Variants in DTNA observed in about 807,000 individuals in gnomAD.
The protein encoded by DTNA is dystrophin-related protein 3.
In DTNA, 43 loss-of-function variants were observed where a neutral mutation model predicts 100.7. The observed-to-expected ratio is 0.43, with a 90% CI of 0.33 to 0.55. The LOEUF is 0.55. Among genes scored for constraint, DTNA ranks in the 20% least tolerant of loss-of-function variants. The pLI, the probability that DTNA is intolerant of heterozygous loss-of-function variation, is 0.04. For synonymous variants in DTNA, 349 were observed against 347.9 expected (o/e 1.00, Z -0.04); for missense variants, 798 against 953.9 (o/e 0.84, Z 2.15).
In DTNA at chr18:34,867,470, G is replaced by T. The variant is rs1165815396; in HGVS notation, c.1743+3408G>T. 4.9e-6 allele frequency: 6 copies of T among 1,218,006 alleles called. No individual in the cohort carries two copies. The African/African-American group carries it at 9.4e-5, about 19-fold the overall frequency. 75.4% of individuals were successfully genotyped at this position (1,218,006 alleles called of 1,614,324 possible). On this transcript the variant is annotated intron_variant, in intron 17 of 22. Coordinates refer to ENST00000444659, the MANE Select transcript of DTNA (RefSeq NM_001386795.1). ...CCCATGAATGCATACATGGGGTATT[G>T]CTATTGTATTTCCAATACACTTAGA...
intron 10 of DTNA, 98 bp downstream of exon 10, chr18:34,827,774 A>G: frequency 8.2e-7 from 1 of 1,217,184 alleles, no homozygotes; most frequent in Non-Finnish European, 1.2e-6. Context: ...AGGGCAGAAT[A>G]TTGTTACTAG....
chr18:34,869,379 G>A (rs2096741045), intron 17 of DTNA, among the ~76,000 whole-genome samples: 1 of 152,138 alleles, frequency 6.6e-6, no homozygotes, highest in Admixed American at 6.5e-5. Flanking sequence ...ATCAGGGAAA[G>A]AAATTTGAAA....
At chr18:34,513,294 A>G (rs762581547) in intron 1 of DTNA, among the ~76,000 whole-genome samples, 75 of 152,190 alleles carry the variant, frequency 4.9e-4, no homozygotes, top group Admixed American at 1.4e-3. Context: ...ATATGCTAAT[A>G]GTAAACTTGA....
rs368572376 is a variant in DTNA at position 34,778,807 on chromosome 18, TTTGTTG to T, written c.148+12787_148+12792del. On this transcript the variant is annotated intron_variant, in intron 3 of 22. Transcript: ENST00000444659. ...ATAAAAGCTATATATATAGGGAAAG[TTTGTTG>T]TTGTTGTTGTTGTTGTTGTTTTGAG... Among the ~76,000 whole-genome samples the T allele has an allele frequency of 6.8e-3, 1,033 of 150,992 alleles. 14 individuals are homozygous for T. Among genetic ancestry groups the T allele is most frequent in the African/African-American group, 0.024 (977 of 41,040 alleles).
At chr18:34,516,039 T>C (rs547314354) in intron 1 of DTNA, among the ~76,000 whole-genome samples, 1 of 152,240 alleles carries the variant, frequency 6.6e-6, no homozygotes, top group East Asian at 1.9e-4. Context: ...GCTTGAAATT[T>C]TAACTAATAC....
chr18:34,792,566 G>A (rs1430682330), intron 3 of DTNA, among the ~76,000 whole-genome samples: 1 of 152,174 alleles, frequency 6.6e-6, no homozygotes, highest in Non-Finnish European at 1.5e-5. Context: ...TATATATACA[G>A]TGCATATTTC....
intron 1 of DTNA, among the ~76,000 whole-genome samples, chr18:34,575,636 C>G (rs964865012): frequency 6.6e-6 from 1 of 152,102 alleles, no homozygotes; most frequent in East Asian, 1.9e-4. Flanking sequence ...GATTTTTCAT[C>G]GAAATTTTTC....
chr18:34,588,230 A>G (rs1234520057), intron 1 of DTNA, among the ~76,000 whole-genome samples: 1 of 152,204 alleles, frequency 6.6e-6, no homozygotes, highest in Non-Finnish European at 1.5e-5. Flanking sequence ...CTTGAAAAGT[A>G]AAACCTCTCT....
intron 19 of DTNA, among the ~76,000 whole-genome samples, chr18:34,878,936 T>C (rs1474903615): frequency 2.6e-5 from 4 of 152,336 alleles, no homozygotes; most frequent in African/African-American, 9.6e-5. Flanking sequence ...TCTTAAAGCC[T>C]CTCAATTGAA....
At chr18:34,666,111 A>G (rs1030927079) in intron 1 of DTNA, among the ~76,000 whole-genome samples, 1 of 152,206 alleles carries the variant, frequency 6.6e-6, no homozygotes, top group Non-Finnish European at 1.5e-5. Context: ...AATGATTGCT[A>G]TTCTAACTGG....
At chr18:34,853,170 G>T (rs1392842254) in intron 15 of DTNA, among the ~76,000 whole-genome samples, 2 of 152,096 alleles carry the variant, frequency 1.3e-5, no homozygotes, top group Admixed American at 6.6e-5. Flanking sequence ...TGTAATTGTG[G>T]TTTTTGCCAT....
At chr18:34,526,687 T>C (rs1406919587) in intron 1 of DTNA, among the ~76,000 whole-genome samples, 3 of 152,118 alleles carry the variant, frequency 2.0e-5, no homozygotes, top group Non-Finnish European at 4.4e-5. Flanking sequence ...GTCAGTCTTA[T>C]GCAAATAATG....
intron 6 of DTNA, among the ~76,000 whole-genome samples, chr18:34,813,662 G>A (rs913895783): frequency 1.3e-5 from 2 of 151,994 alleles, no homozygotes; most frequent in Non-Finnish European, 2.9e-5. Context: ...AGACCAGCCT[G>A]TCCAATATGT....
chr18:34,594,782 C>G (rs925748367), intron 1 of DTNA, among the ~76,000 whole-genome samples: 1 of 152,084 alleles, frequency 6.6e-6, no homozygotes, highest in African/African-American at 2.4e-5. Context: ...TTCTGATGCC[C>G]CTTTCCTCCT....
intron 4 of DTNA, among the ~76,000 whole-genome samples, chr18:34,794,559 C>A (rs1355642949): frequency 6.6e-6 from 1 of 152,088 alleles, no homozygotes; most frequent in Non-Finnish European, 1.5e-5. Flanking sequence ...GCCTGTGGTG[C>A]GATTTAATGA....
intron 1 of DTNA, among the ~76,000 whole-genome samples, chr18:34,550,022 G>A (rs1433972987): frequency 1.3e-5 from 2 of 151,970 alleles, no homozygotes; most frequent in Non-Finnish European, 2.9e-5. Flanking sequence ...TTAAAGAAAT[G>A]TTTGAAATCA....
At chr18:34,777,389 C>T (rs1307190540) in intron 3 of DTNA, among the ~76,000 whole-genome samples, 1 of 152,180 alleles carries the variant, frequency 6.6e-6, no homozygotes, top group East Asian at 1.9e-4. Flanking sequence ...TAAAATACCA[C>T]TGGAGGTCTA....
At chr18:34,829,535 A>G in intron 11 of DTNA, 46 bp downstream of exon 11, 1 of 1,448,136 alleles carries the variant, frequency 6.9e-7, no homozygotes, top group South Asian at 1.4e-5. Context: ...GTAGTTCCAT[A>G]GCTAGACTGA....
intron 15 of DTNA, 39 bp downstream of exon 15, chr18:34,851,967 T>G: frequency 6.3e-7 from 1 of 1,595,004 alleles, no homozygotes; most frequent in Non-Finnish European, 8.6e-7. Flanking sequence ...TTGATCAATG[T>G]GCGCATTCCT....
Sources: allele counts gnomAD v4.1 joint callset (sites outside exome capture counted in the v4.1 genomes callset), GRCh38; gene constraint gnomAD v4.1.1; transcripts MANE v1.5; gene names NCBI Gene and HGNC (gene_info 2026-07-23, HGNC 2026-07-21).